The following ARV1 variants were observed in gnomAD, a reference collection of about 807,000 sequenced individuals.
The protein encoded by ARV1 is protein ARV1.
In ARV1, 26 loss-of-function variants were observed where a neutral mutation model predicts 31.1. That is an observed-to-expected ratio of 0.84 (90% CI 0.61 to 1.16). ARV1 has a LOEUF of 1.16. Among genes scored for constraint, ARV1 ranks in the 50% most tolerant of loss-of-function variants. ARV1 has a pLI of 0.00. For synonymous variants in ARV1, 117 were observed against 123.2 expected, an observed-to-expected ratio of 0.95 and a Z score of 0.34; for missense variants, 281 against 324.9, an observed-to-expected ratio of 0.86 and a Z score of 1.04.
At chr1:230,997,699 C>T (rs959709418) in intron 5 of ARV1, among the ~76,000 whole-genome samples, 7 of 152,140 alleles carry the variant, frequency 4.6e-5, no homozygotes, top group African/African-American at 1.7e-4. Context: ...TCTTTTTTAA[C>T]CACACCTGGA....
intron 3 of ARV1, among the ~76,000 whole-genome samples, chr1:230,992,974 T>C: frequency 6.6e-6 from 1 of 152,244 alleles, no homozygotes; most frequent in East Asian, 1.9e-4. Context: ...TATGTTAACC[T>C]TTTTATCTTA....
intron 1 of ARV1, among the ~76,000 whole-genome samples, chr1:230,984,509 CTTG>C (rs765634592): frequency 5.9e-5 from 9 of 151,732 alleles, no homozygotes; most frequent in South Asian, 2.1e-4. Flanking sequence ...GAGGTGTAAA[CTTG>C]TTGTGCCCAG....
chr1:230,984,402 A>G lies in ARV1; in HGVS notation c.175-3918A>G, dbSNP rs1021125631. Among the ~76,000 whole-genome samples the G allele has an allele frequency of 2.0e-4, 16 of 79,420 alleles. No individual in the cohort carries two copies. In the South Asian group the frequency reaches 3.7e-3, roughly 19 times the overall value. The allele number at this position is 79,420 out of a possible 152,430, so 52.1% of individuals were successfully genotyped here. A position where few individuals can be genotyped will look rare whatever the true frequency, so the allele number is the denominator to read the frequency against. On this transcript the variant is annotated intron_variant, in intron 1 of 5. Coordinates refer to ENST00000310256, the MANE Select transcript of ARV1 (RefSeq NM_022786.3). ...TGTGTGTGTGTGTGTGTGTGTGTGT[A>G]GTTTTCCTCTTCACATTCAAGGTGA...
At chr1:230,980,967 C>T (rs931119573) in intron 1 of ARV1, among the ~76,000 whole-genome samples, 1 of 152,178 alleles carries the variant, frequency 6.6e-6, no homozygotes, top group Non-Finnish European at 1.5e-5. Context: ...GTTAAGATCA[C>T]CACTTCCACT....
intron 2 of ARV1, among the ~76,000 whole-genome samples, chr1:230,988,712 A>G (rs1679147655): frequency 1.3e-5 from 2 of 152,230 alleles, no homozygotes; most frequent in Admixed American, 1.3e-4. Context: ...GTAAATTGAA[A>G]CAATCATCAC....
At chr1:230,993,391 T>C (rs896269757) in intron 3 of ARV1, among the ~76,000 whole-genome samples, 21 of 152,356 alleles carry the variant, frequency 1.4e-4, no homozygotes, top group Middle Eastern at 3.4e-3. Flanking sequence ...CCACTGTTCC[T>C]GGCCCTTCTT....
chr1:230,992,648 G>A (rs930054157), intron 3 of ARV1, among the ~76,000 whole-genome samples: 1 of 152,122 alleles, frequency 6.6e-6, no homozygotes, highest in Non-Finnish European at 1.5e-5. Flanking sequence ...ATGAATGATT[G>A]CATACATTCA....
At chr1:230,990,043 G>A in intron 2 of ARV1, 67 bp from the exon 3 acceptor site, 1 of 1,480,262 alleles carries the variant, frequency 6.8e-7, no homozygotes, top group Non-Finnish European at 9.1e-7. Context: ...CAAATACTCT[G>A]TACCTGTTGA....
chr1:230,992,714 T>G (rs1679261030), intron 3 of ARV1, among the ~76,000 whole-genome samples: 2 of 152,246 alleles, frequency 1.3e-5, no homozygotes, highest in Non-Finnish European at 2.9e-5. Context: ...TGATTATTCA[T>G]TCACTATTCA....
At chr1:230,988,956 A>G (rs984274877) in intron 2 of ARV1, among the ~76,000 whole-genome samples, 4 of 152,166 alleles carry the variant, frequency 2.6e-5, no homozygotes, top group African/African-American at 7.2e-5. Flanking sequence ...GAGCTCTTTA[A>G]TAGTTTGGGT....
At chr1:230,981,824 G>A (rs150137339) in intron 1 of ARV1, among the ~76,000 whole-genome samples, 82 of 152,176 alleles carry the variant, frequency 5.4e-4, no homozygotes, top group African/African-American at 1.9e-3. Flanking sequence ...CGGCAGTCCC[G>A]CTGGCATCCT....
rs5781616 is a variant in ARV1 at position 230,985,921 on chromosome 1, AT to A, written c.175-2386del. ...TTATGCGTCAGTTTGATTAAGCAGA[AT>A]TTTTTTTTTTTTGAGACGGAATCTT... is the stretch of plus-strand genomic sequence containing the variant. On this transcript the variant is annotated intron_variant, in intron 1 of 5. Coordinates refer to ENST00000310256, the MANE Select transcript of ARV1 (RefSeq NM_022786.3). Among the ~76,000 whole-genome samples, 780 of 148,282 alleles carry A rather than the reference AT, an allele frequency of 5.3e-3. 7 individuals are homozygous for A. The highest frequency in any genetic ancestry group is 0.018 in the African/African-American group (712 of 40,390).
Position 230,988,391 on chromosome 1 carries a change from G to T in ARV1, c.246G>T (p.Leu82Phe). ...DPVIILINAILCKAQAYRHIL... is the reference protein window; with the variant it reads ...DPVIILINAIFCKAQAYRHIL... ...TTATCATCTTGATTAATGCTATATT[G>T]TGCAAAGCTCAGGCCTACAGACATA... Residue 82 changes from leucine (L) to phenylalanine (F), a missense_variant, in exon 2 of 6, where the codon TTG (leucine) becomes TTT (phenylalanine). Physicochemically the swap from Leu to Phe is conservative, Grantham distance 22 (BLOSUM62 0). Coordinates refer to ENST00000310256, the MANE Select transcript of ARV1 (RefSeq NM_022786.3). 6.3e-7 allele frequency: 1 copy of T among 1,597,938 alleles called. No individual in the cohort carries two copies. Among genetic ancestry groups the T allele is most frequent in the South Asian group, 1.1e-5 (1 of 89,610 alleles).
chr1:230,979,127 G>T lies in ARV1; in HGVS notation c.22G>T (p.Gly8Cys). Reference protein sequence around the residue: MGNGGRSGLQQGKGNVDG... With the variant: MGNGGRSCLQQGKGNVDG... Reference sequence around the variant, plus strand: ...GGAAATGGGCAACGGCGGGCGGAGCGGCCTGCAGCAGGGGAAGGGGAACGT... The same window carrying T: ...GGAAATGGGCAACGGCGGGCGGAGCTGCCTGCAGCAGGGGAAGGGGAACGT... Residue 8 changes from glycine to cysteine, a missense_variant, in exon 1 of 6, where the codon GGC becomes TGC. Transcript: ENST00000310256. 2 of 1,604,432 alleles carry T rather than the reference G, an allele frequency of 1.2e-6. No homozygotes were observed. The highest frequency in any genetic ancestry group is 2.2e-5 in the South Asian group (2 of 90,236).
rs746859687 is a variant in ARV1 at position 230,995,800 on chromosome 1, G to T, written c.489G>T (p.Trp163Cys). The part of the protein sequence containing the change: ...AYFIGIFTFL[W>C]VERPMTAKKK... ...TTATTGGCATTTTTACCTTCCTGTGGGTAGAACGGCCCATGACGGCAAAAA... is the reference window on the plus strand; with the variant it reads ...TTATTGGCATTTTTACCTTCCTGTGTGTAGAACGGCCCATGACGGCAAAAA... The change falls in exon 4 of 6, where the codon TGG (tryptophan) becomes TGT (cysteine). Residue 163 changes from tryptophan to cysteine, a missense_variant. By Grantham distance (215) the Trp-to-Cys change is radical. Coordinates refer to ENST00000310256, the MANE Select transcript of ARV1 (RefSeq NM_022786.3). 3.7e-6 allele frequency: 6 copies of T among 1,613,798 alleles called. No individual in the cohort carries two copies. In the South Asian group the frequency reaches 6.6e-5, roughly 18 times the overall value.
chr1:230,982,778 A>G (rs1226848422), intron 1 of ARV1, among the ~76,000 whole-genome samples: 1 of 152,194 alleles, frequency 6.6e-6, no homozygotes, highest in African/African-American at 2.4e-5. Flanking sequence ...GCAATGAATT[A>G]TTTTAAAGGC....
chr1:230,998,268 C>G (rs1297859030), intron 5 of ARV1, among the ~76,000 whole-genome samples: 1 of 152,142 alleles, frequency 6.6e-6, no homozygotes, highest in East Asian at 1.9e-4. Context: ...GACACAGACC[C>G]CCGTCAGGGA....
At chr1:230,984,363 C>CGCGTGCGTGTGTGT (rs1191353620) in intron 1 of ARV1, among the ~76,000 whole-genome samples, 6 of 129,840 alleles carry the variant, frequency 4.6e-5, no homozygotes, top group Middle Eastern at 3.9e-3. Flanking sequence ...TGTGTGTGTG[C>CGCGTGCGTGTGTGT]GTGTGTGTGT....
chr1:230,990,325 A>G, intron 3 of ARV1, 62 bp downstream of exon 3: 1 of 1,577,046 alleles, frequency 6.3e-7, no homozygotes, highest in Non-Finnish European at 8.6e-7. Flanking sequence ...ATCTGGTTAA[A>G]ACTAAGACAT....
Sources: allele counts gnomAD v4.1 joint callset (sites outside exome capture counted in the v4.1 genomes callset), GRCh38; gene constraint gnomAD v4.1.1; transcripts MANE v1.5; gene names NCBI Gene and HGNC (gene_info 2026-07-23, HGNC 2026-07-21).